TENM4: variants seen among roughly 807,000 people sequenced by gnomAD.
TENM4 encodes teneurin transmembrane protein 4, also known as teneurin-4.
A neutral mutation model predicts 243.3 loss-of-function variants in TENM4; 82 were observed. That is an observed-to-expected ratio of 0.34 (90% CI 0.28 to 0.40). The LOEUF (loss-of-function observed/expected upper bound fraction) is 0.40. Among genes scored for constraint, TENM4 ranks in the 10% least tolerant of loss-of-function variants. The probability of loss-of-function intolerance (pLI) is 1.00; values close to 1 mark genes in which losing one functional copy is unlikely to be tolerated. For synonymous variants in TENM4, 1,412 were observed against 1,456.3 expected (o/e 0.97, Z 0.69); for missense variants, 3,138 against 3,673.3 (o/e 0.85, Z 3.77).
At chr11:79,119,966 G>A (rs1462923864) in intron 4 of TENM4, among the ~76,000 whole-genome samples, 1 of 152,138 alleles carries the variant, frequency 6.6e-6, no homozygotes, top group Non-Finnish European at 1.5e-5. Context: ...TATTCCGTTG[G>A]CACCAGGCCA....
intron 1 of TENM4, among the ~76,000 whole-genome samples, chr11:79,310,859 G>GAGA (rs1458963322): frequency 6.6e-6 from 1 of 152,226 alleles, no homozygotes; most frequent in Admixed American, 6.5e-5. Flanking sequence ...TGCAAAAACA[G>GAGA]AGAAGCCTGA....
chr11:79,103,451 G>A (rs1861283523), intron 4 of TENM4, among the ~76,000 whole-genome samples: 1 of 152,018 alleles, frequency 6.6e-6, no homozygotes, highest in Admixed American at 6.5e-5. Flanking sequence ...CCACTGTTGT[G>A]GGCCCACAGT....
At chr11:79,343,200 A>G (rs1330390608) in intron 1 of TENM4, among the ~76,000 whole-genome samples, 1 of 152,224 alleles carries the variant, frequency 6.6e-6, no homozygotes, top group Non-Finnish European at 1.5e-5. Context: ...TTTACTGACC[A>G]CTAAGCACTC....
At chr11:79,188,908 C>T (rs76704613) in intron 3 of TENM4, among the ~76,000 whole-genome samples, 4,513 of 152,234 alleles carry the variant, frequency 0.03, 247 homozygotes, top group African/African-American at 0.1. Context: ...GCATAATAAA[C>T]ATTTAAACAT....
At chr11:78,700,226 C>T (rs1391098213) in intron 28 of TENM4, among the ~76,000 whole-genome samples, 4 of 152,092 alleles carry the variant, frequency 2.6e-5, no homozygotes, top group Admixed American at 1.3e-4. Context: ...GGCACTGGTG[C>T]GGGGGTAGGA....
intron 4 of TENM4, among the ~76,000 whole-genome samples, chr11:79,134,307 A>G (rs1380585917): frequency 1.3e-5 from 2 of 152,202 alleles, no homozygotes; most frequent in Admixed American, 6.5e-5. Flanking sequence ...AAAGATCTCT[A>G]CAAGGAAAAC....
At chr11:79,081,316 T>C (rs1165253120) in intron 4 of TENM4, among the ~76,000 whole-genome samples, 1 of 152,190 alleles carries the variant, frequency 6.6e-6, no homozygotes, top group Non-Finnish European at 1.5e-5. Flanking sequence ...AGGGAAGGAA[T>C]ATCACAATGG....
At chr11:79,317,260 T>C (rs1856817013) in intron 1 of TENM4, among the ~76,000 whole-genome samples, 1 of 152,206 alleles carries the variant, frequency 6.6e-6, no homozygotes, top group African/African-American at 2.4e-5. Flanking sequence ...ACGTGTTTGT[T>C]CTACAAAATG....
At position 79,202,492 on chromosome 11, in the gene TENM4, TTAAA is replaced by T. The variant is rs574061442; in HGVS notation, c.-163+13312_-163+13315del. Among the ~76,000 whole-genome samples the T allele has an allele frequency of 1.6e-4, 25 of 152,330 alleles. No homozygotes were observed. In the South Asian group the frequency reaches 5.2e-3, roughly 32 times the overall value. On this transcript the variant is annotated intron_variant, in intron 3 of 33. Coordinates refer to ENST00000278550, the MANE Select transcript of TENM4 (RefSeq NM_001098816.3). ...AGAAAGGAAGGAAAAGAAAACCAATTTAAATAAACTCACATAGTTCAGACCCGAT... is the reference window on the plus strand; with the variant it reads ...AGAAAGGAAGGAAAAGAAAACCAATTTAAACTCACATAGTTCAGACCCGAT...
chr11:79,319,422 G>GTT (rs997416817), intron 1 of TENM4, among the ~76,000 whole-genome samples: 5 of 152,160 alleles, frequency 3.3e-5, no homozygotes, highest in Admixed American at 1.3e-4. Flanking sequence ...TAAGGGAAGT[G>GTT]TTTAAATGAA....
chr11:79,364,652 G>A lies in TENM4; in HGVS notation c.-320-67109C>T, dbSNP rs138813851. Among the ~76,000 whole-genome samples, 453 of 152,300 alleles carry A rather than the reference G, an allele frequency of 3.0e-3. 2 individuals carry two copies. The highest frequency in any genetic ancestry group is 0.01 in the African/African-American group (424 of 41,546). On this transcript the variant is annotated intron_variant, in intron 1 of 33. Coordinates refer to ENST00000278550, the MANE Select transcript of TENM4 (RefSeq NM_001098816.3). ...CATCTGCACTATCTAATTTAATCCA[G>A]TAACTCTTTGAAGTATTTTCATCCT...
chr11:78,915,049 G>A (rs1045051507), intron 6 of TENM4, among the ~76,000 whole-genome samples: 3 of 152,214 alleles, frequency 2.0e-5, no homozygotes, highest in African/African-American at 7.2e-5. Flanking sequence ...CATCCGGCAT[G>A]AGTCCACTGC....
chr11:79,245,814 CCTGTAA>C (rs1218469099), intron 2 of TENM4, among the ~76,000 whole-genome samples: 5 of 151,688 alleles, frequency 3.3e-5, no homozygotes, highest in Non-Finnish European at 7.4e-5. Context: ...GTGACGGGTA[CCTGTAA>C]TCCCAGCTAC....
At position 78,796,199 on chromosome 11, in the gene TENM4, G is replaced by C. The variant is rs188540919; in HGVS notation, c.2179+9093C>G. Reference sequence around the variant, plus strand: ...TACAAAGCACCTACCACAGGAAGCAGTAAGCCACTGCTATTCCTCTTAATT... The same window carrying C: ...TACAAAGCACCTACCACAGGAAGCACTAAGCCACTGCTATTCCTCTTAATT... On this transcript the variant is annotated intron_variant, in intron 15 of 33. Transcript: ENST00000278550. 4.5e-3 allele frequency among the ~76,000 whole-genome samples: 683 copies of C among 152,308 alleles called. 15 individuals carry two copies. Among genetic ancestry groups the C allele is most frequent in the East Asian group, 7.5e-3 (39 of 5,174 alleles).
At chr11:79,221,608 GC>G (rs1360059234) in intron 2 of TENM4, among the ~76,000 whole-genome samples, 2 of 151,768 alleles carry the variant, frequency 1.3e-5, no homozygotes, top group Non-Finnish European at 2.9e-5. Flanking sequence ...AAATCCCTGT[GC>G]GTGCTCACCC....
chr11:78,669,258 T>C lies in TENM4; in HGVS notation c.7087A>G (p.Ile2363Val), dbSNP rs1461256718. The change falls in exon 32 of 34, where the codon ATC becomes GTC. Residue 2363 changes from isoleucine (I) to valine (V), a missense_variant. Coordinates refer to ENST00000278550, the MANE Select transcript of TENM4 (RefSeq NM_001098816.3). This position sits in a 1 kb window ranked among gnomAD's most constrained non-coding sequence, Gnocchi z 6.4. ...CTAAAGACAGCAAGAGGGGTCCCGA[T>C]GTTGTCACAAGCTATGTAAAACTCA... Reference protein sequence around the residue: ...GDEFYIACDNIGTPLAVFSGT... With the variant: ...GDEFYIACDNVGTPLAVFSGT... The C allele has an allele frequency of 6.2e-7, 1 of 1,613,876 alleles. No individual in the cohort carries two copies. Among genetic ancestry groups the C allele is most frequent in the African/African-American group, 1.3e-5 (1 of 74,914 alleles).
At chr11:78,757,145 T>G in intron 18 of TENM4, 124 bp from the exon 19 acceptor site, 1 of 1,018,752 alleles carries the variant, frequency 9.8e-7, no homozygotes, top group East Asian at 2.6e-5. Flanking sequence ...AATGCTGATA[T>G]AAGCCAAAGT....
chr11:78,783,377 G>A (rs368531380), intron 16 of TENM4, among the ~76,000 whole-genome samples: 2 of 152,214 alleles, frequency 1.3e-5, no homozygotes, highest in South Asian at 4.1e-4. Flanking sequence ...ATATATGCAA[G>A]TGGGAGTATT....
intron 6 of TENM4, among the ~76,000 whole-genome samples, chr11:78,944,695 G>A (rs1269312180): frequency 6.6e-6 from 1 of 152,186 alleles, no homozygotes; most frequent in Non-Finnish European, 1.5e-5. Flanking sequence ...TCTCAGATTC[G>A]GTACTAATTG....
Sources: gnomAD v4.1 joint callset for allele counts (sites outside exome capture counted in the v4.1 genomes callset) on GRCh38, gnomAD v4.1.1 for gene constraint, Gnocchi (gnomAD v3.1) non-coding constraint, MANE v1.5 for transcripts, NCBI Gene and HGNC (gene_info 2026-07-23, HGNC 2026-07-21) for gene names.